Variants in BCLAF3 observed in about 807,000 individuals in gnomAD.
BCLAF3 encodes transient octamer binding factor 1.
A neutral mutation model predicts 51.2 loss-of-function variants in BCLAF3; 24 were observed. The ratio of observed to expected loss-of-function variants is 0.47; its 90% CI spans 0.34 to 0.66. The LOEUF (loss-of-function observed/expected upper bound fraction) is 0.66. Ranked by LOEUF, BCLAF3 falls within the 30% of genes least tolerant of loss-of-function variation. The pLI is 0.01. For synonymous variants in BCLAF3, 152 were observed against 176.6 expected, an observed-to-expected ratio of 0.86 and a Z score of 1.10; for missense variants, 465 against 525.1, an observed-to-expected ratio of 0.89 and a Z score of 1.12.
intron 11 of BCLAF3, among the ~76,000 whole-genome samples, chrX:19,922,239 T>C (rs964985600): frequency 4.5e-5 from 5 of 110,826 alleles, no homozygotes; most frequent in Non-Finnish European, 9.4e-5. Context: ...AATAGATTAG[T>C]ACATGATTTG....
chrX:19,958,277 C>G lies in BCLAF3; in HGVS notation c.1275-2711G>C, dbSNP rs763830216. Among the ~76,000 whole-genome samples, 12 of 111,912 alleles carry G rather than the reference C, an allele frequency of 1.1e-4. No homozygotes were observed. The South Asian group carries it at 1.1e-3, about 10-fold the overall frequency. ...CATTAAACCTTAATTTCCTGTTGCACACACTTAGGACTCATCAAAGAAATG... is the reference window on the plus strand; with the variant it reads ...CATTAAACCTTAATTTCCTGTTGCAGACACTTAGGACTCATCAAAGAAATG... On this transcript the variant is annotated intron_variant, in intron 4 of 11. Transcript: ENST00000379682.
intron 4 of BCLAF3, among the ~76,000 whole-genome samples, chrX:19,964,771 G>A (rs1464416020): frequency 9.0e-6 from 1 of 111,188 alleles, no homozygotes; most frequent in Admixed American, 9.6e-5. Flanking sequence ...ATAAAAACAC[G>A]TGAATTCATG....
At chrX:19,952,620 C>T (rs5909346) in intron 7 of BCLAF3, among the ~76,000 whole-genome samples, 5,898 of 111,407 alleles carry the variant, frequency 0.053, 164 homozygotes, top group Non-Finnish European at 0.081. Context: ...ATTCATTCCA[C>T]GTACAATTTA....
chrX:19,970,297 C>G lies in BCLAF3; in HGVS notation c.-33G>C, dbSNP rs1161622181. Reference sequence around the variant, plus strand: ...CACGTGAGCCACTATCCACTTTTTACACTGCAAAGAAACACAGGATTAGCA... The same window carrying G: ...CACGTGAGCCACTATCCACTTTTTAGACTGCAAAGAAACACAGGATTAGCA... On this transcript the variant is annotated splice_region_variant and 5_prime_UTR_variant, in exon 2 of 12. Transcript: ENST00000379682. 8.3e-7 allele frequency: 1 copy of G among 1,207,809 alleles called. No homozygotes were observed. Among genetic ancestry groups the G allele is most frequent in the African/African-American group, 1.7e-5 (1 of 57,290 alleles).
At chrX:19,937,789 G>A (rs1208452454) in intron 8 of BCLAF3, among the ~76,000 whole-genome samples, 1 of 111,941 alleles carries the variant, frequency 8.9e-6, no homozygotes, top group Non-Finnish European at 1.9e-5. Context: ...TCTCAATCTG[G>A]GGTCTAAGGA....
rs759001149 is a variant in BCLAF3 at position 19,983,958 on chromosome X, G to C, written c.-35+6950C>G. 2.8e-5 allele frequency among the ~76,000 whole-genome samples: 3 copies of C among 106,655 alleles called. No homozygotes were observed. The South Asian group carries it at 1.3e-3, about 45-fold the overall frequency. 92.6% of individuals were successfully genotyped at this position (106,655 alleles called of 115,157 possible). ...GTGGCGGCACGCGCCTATAGTCCCA[G>C]CTACTCAGGAGGCTGAGGCAGGAGA... is the stretch of plus-strand genomic sequence containing the variant. On this transcript the variant is annotated intron_variant, in intron 1 of 11. Coordinates refer to ENST00000379682, the MANE Select transcript of BCLAF3 (RefSeq NM_001367774.2).
chrX:19,917,349 CAA>C lies in BCLAF3; in HGVS notation c.2107-17_2107-16del. 1 of 1,174,534 alleles carries C rather than the reference CAA, an allele frequency of 8.5e-7. No individual in the cohort carries two copies. On this transcript the variant is annotated splice_polypyrimidine_tract_variant and intron_variant, in intron 11 of 11. Transcript: ENST00000379682. ...TCTGTATATTCCTATTGAGAGAAAA[CAA>C]GAGAAATAAAGACTTCAAACAAAGT... is the stretch of plus-strand genomic sequence containing the variant.
At chrX:19,917,611 G>C (rs1984887035) in intron 11 of BCLAF3, among the ~76,000 whole-genome samples, 1 of 111,817 alleles carries the variant, frequency 8.9e-6, no homozygotes, top group Non-Finnish European at 1.9e-5. Flanking sequence ...TGCTATTTGG[G>C]TGAGTTTCAG....
intron 8 of BCLAF3, among the ~76,000 whole-genome samples, chrX:19,940,301 A>G (rs1376418093): frequency 9.4e-6 from 1 of 106,677 alleles, no homozygotes; most frequent in East Asian, 2.9e-4. Flanking sequence ...TTATACTTTA[A>G]GTTTTAGGGT....
intron 4 of BCLAF3, among the ~76,000 whole-genome samples, chrX:19,963,624 T>A (rs1374629689): frequency 4.5e-5 from 5 of 111,357 alleles, no homozygotes; most frequent in Non-Finnish European, 7.5e-5. Flanking sequence ...TCTGAGCACA[T>A]ATATAAATGC....
intron 5 of BCLAF3, 83 bp downstream of exon 5, chrX:19,955,308 C>T: frequency 3.0e-6 from 2 of 666,022 alleles, no homozygotes; most frequent in Non-Finnish European, 4.4e-6. Context: ...TACTATTAAA[C>T]TATACTGCAG....
At chrX:19,940,168 G>C (rs756604787) in intron 8 of BCLAF3, among the ~76,000 whole-genome samples, 4 of 112,176 alleles carry the variant, frequency 3.6e-5, no homozygotes, top group Non-Finnish European at 7.5e-5. Context: ...TCAGATTAAA[G>C]AATCTATTTC....
intron 8 of BCLAF3, among the ~76,000 whole-genome samples, chrX:19,939,896 G>A (rs1248686143): frequency 3.6e-5 from 4 of 111,810 alleles, no homozygotes; most frequent in East Asian, 5.6e-4. Flanking sequence ...CATATAGACA[G>A]AAAGAATAGA....
In BCLAF3 at chrX:19,966,212, G is replaced by C. The variant is rs899640159; in HGVS notation, c.479C>G (p.Ala160Gly). ...KGGKPPQRSI[A>G]DSFRFEGKWH... ...CTTTCCTTCAAATCTAAAAGAATCT[G>C]CTATTGACCTCTGAGGTGGTTTCCC... The change falls in exon 3 of 12, where the codon GCA becomes GGA. Residue 160 changes from alanine (A) to glycine (G), a missense_variant. Physicochemically the swap from Ala to Gly is moderately conservative, Grantham distance 60 (BLOSUM62 0). Transcript: ENST00000379682. 9.1e-6 allele frequency: 11 copies of C among 1,211,345 alleles called. No individual in the cohort carries two copies. The highest frequency in any genetic ancestry group is 2.3e-4 in the Middle Eastern group (1 of 4,356).
chrX:19,950,813 C>T lies in BCLAF3; in HGVS notation c.1685G>A (p.Arg562Gln), dbSNP rs1460755239. 2 of 1,210,586 alleles carry T rather than the reference C, an allele frequency of 1.7e-6. No homozygotes were observed. The highest frequency in any genetic ancestry group is 2.2e-6 in the Non-Finnish European group (2 of 894,813). ...ATCTTCATTCTGTAACCGTTCTTTT[C>T]GCCTTCTTTCAATGTCATGTCGTAG... The part of the protein sequence containing the change: ...NDLRHDIERR[R>Q]KERLQNEDEH... The change falls in exon 8 of 12, where the codon CGA (arginine) becomes CAA (glutamine). Residue 562 changes from arginine to glutamine, a missense_variant. Coordinates refer to ENST00000379682, the MANE Select transcript of BCLAF3 (RefSeq NM_001367774.2).
chrX:19,939,044 A>G (rs770121681), intron 8 of BCLAF3, among the ~76,000 whole-genome samples: 2 of 112,296 alleles, frequency 1.8e-5, no homozygotes, highest in Non-Finnish European at 3.8e-5. Context: ...TCTGACATGA[A>G]ATAGACACTC....
intron 1 of BCLAF3, among the ~76,000 whole-genome samples, chrX:19,975,283 C>T (rs1445625654): frequency 5.5e-5 from 6 of 108,378 alleles, no homozygotes; most frequent in East Asian, 2.8e-4. Flanking sequence ...AGAGACTGTA[C>T]GTGGCCCACA....
At chrX:19,920,909 A>T (rs866912184) in intron 11 of BCLAF3, among the ~76,000 whole-genome samples, 6 of 111,389 alleles carry the variant, frequency 5.4e-5, no homozygotes, top group Non-Finnish European at 7.5e-5. Context: ...CAATAATTAG[A>T]GACTAAATGA....
chrX:19,937,544 A>G lies in BCLAF3; in HGVS notation c.1746-12T>C, dbSNP rs764922684. On this transcript the variant is annotated splice_polypyrimidine_tract_variant and intron_variant, in intron 8 of 11. Transcript: ENST00000379682. ...AATTCTGATCATCCCTAATAAGGAA[A>G]CAGAGAAAATAAGAATATTTTATTA... is the stretch of plus-strand genomic sequence containing the variant. 1.1e-6 allele frequency: 1 copy of G among 895,983 alleles called. No homozygotes were observed. Among genetic ancestry groups the G allele is most frequent in the Admixed American group, 3.0e-5 (1 of 33,595 alleles). The allele number at this position is 895,983 out of a possible 1,213,427, so 73.8% of individuals were successfully genotyped here. A position where few individuals can be genotyped will look rare whatever the true frequency, so the allele number is the denominator to read the frequency against.
Sources: allele counts gnomAD v4.1 joint callset (sites outside exome capture counted in the v4.1 genomes callset), GRCh38; gene constraint gnomAD v4.1.1; transcripts MANE v1.5; gene names NCBI Gene and HGNC (gene_info 2026-07-23, HGNC 2026-07-21).